POU6F2: variants seen among roughly 807,000 people sequenced by gnomAD.
POU6F2 encodes the protein POU domain, class 6, transcription factor 2.
Under a neutral mutation model 71.3 loss-of-function variants are expected in POU6F2, and 31 were observed. That is an observed-to-expected ratio of 0.43 (90% CI 0.33 to 0.59). The LOEUF is 0.59. Among genes scored for constraint, POU6F2 ranks in the 20% least tolerant of loss-of-function variants. The pLI, the probability that POU6F2 is intolerant of heterozygous loss-of-function variation, is 0.04. For missense variants in POU6F2, 783 were observed against 856.8 expected (o/e 0.91, Z 1.07); for synonymous variants, 347 against 355.7 (o/e 0.98, Z 0.27).
intron 5 of POU6F2, among the ~76,000 whole-genome samples, chr7:39,340,275 G>T (rs533890658): frequency 2.0e-5 from 3 of 152,224 alleles, no homozygotes; most frequent in Non-Finnish European, 4.4e-5. Context: ...TGAGAGGCCA[G>T]CACTATAAGT....
chr7:39,292,350 AGGGTTTT>A lies in POU6F2; in HGVS notation c.599-47289_599-47283del, dbSNP rs1038623960. Among the ~76,000 whole-genome samples, 59 of 152,252 alleles carry A rather than the reference AGGGTTTT, an allele frequency of 3.9e-4. No homozygotes were observed. The Middle Eastern group carries it at 0.01, about 26-fold the overall frequency. On this transcript the variant is annotated intron_variant, in intron 4 of 9. Coordinates refer to ENST00000518318, the MANE Select transcript of POU6F2 (RefSeq NM_001370959.1). ...GCTCTGATTACCATGTTCATTGTGAAGGGTTTTGGTGCCATCATTATGGGAAAGAAAG... is the reference window on the plus strand; with the variant it reads ...GCTCTGATTACCATGTTCATTGTGAAGGTGCCATCATTATGGGAAAGAAAG...
chr7:39,284,136 A>G (rs943294419), intron 4 of POU6F2, among the ~76,000 whole-genome samples: 1 of 152,224 alleles, frequency 6.6e-6, no homozygotes, highest in African/African-American at 2.4e-5. Flanking sequence ...ATTTGGTAGT[A>G]AGATAAATTT....
intron 4 of POU6F2, among the ~76,000 whole-genome samples, chr7:39,326,126 T>C (rs1785498774): frequency 6.6e-6 from 1 of 152,116 alleles, no homozygotes; most frequent in Admixed American, 6.5e-5. Context: ...GGAGGAAAAA[T>C]AATGGGATTG....
chr7:39,220,920 T>C (rs1794341457), intron 4 of POU6F2, among the ~76,000 whole-genome samples: 1 of 152,116 alleles, frequency 6.6e-6, no homozygotes, highest in South Asian at 2.1e-4. Flanking sequence ...TAATTGAAAC[T>C]GAGATATGCT....
At chr7:39,459,094 C>T (rs2116156217) in intron 8 of POU6F2, among the ~76,000 whole-genome samples, 1 of 152,270 alleles carries the variant, frequency 6.6e-6, no homozygotes, top group South Asian at 2.1e-4. Context: ...GAGGCTGGAA[C>T]TGTTTCTGAG....
intron 5 of POU6F2, among the ~76,000 whole-genome samples, chr7:39,383,210 T>C (rs939155543): frequency 4.6e-5 from 7 of 152,208 alleles, no homozygotes; most frequent in Admixed American, 3.3e-4. Context: ...GTAACAAACG[T>C]AATACATGTT....
chr7:39,123,719 T>C (rs1792089503), intron 2 of POU6F2, among the ~76,000 whole-genome samples: 1 of 152,150 alleles, frequency 6.6e-6, no homozygotes. Context: ...CTGCACTGCC[T>C]CATAGCAATG....
chr7:39,366,029 G>A (rs1459723821), intron 5 of POU6F2, among the ~76,000 whole-genome samples: 1 of 152,242 alleles, frequency 6.6e-6, no homozygotes, highest in East Asian at 1.9e-4. Context: ...AAGAACTCTA[G>A]GGGATGGGAT....
At chr7:39,217,510 TTAC>T (rs1794268360) in intron 4 of POU6F2, among the ~76,000 whole-genome samples, 1 of 152,212 alleles carries the variant, frequency 6.6e-6, no homozygotes, top group Non-Finnish European at 1.5e-5. Context: ...CAGAGATCCG[TTAC>T]CACTCACAGA....
At chr7:39,328,186 T>C (rs1785557808) in intron 4 of POU6F2, among the ~76,000 whole-genome samples, 1 of 152,258 alleles carries the variant, frequency 6.6e-6, no homozygotes, top group South Asian at 2.1e-4. Flanking sequence ...CCCAAAGTGC[T>C]GGGATTACAG....
rs114660688 is a variant in POU6F2 at position 39,135,444 on chromosome 7, A to G, written c.277+49413A>G. On this transcript the variant is annotated intron_variant, in intron 2 of 9. Coordinates refer to ENST00000518318, the MANE Select transcript of POU6F2 (RefSeq NM_001370959.1). ...GGAAAAATGTAAGCACAAGACCAGG[A>G]AACTATATTCAAAAGTACCTTAGAA... is the stretch of plus-strand genomic sequence containing the variant. Among the ~76,000 whole-genome samples, 972 of 152,326 alleles carry G rather than the reference A, an allele frequency of 6.4e-3. 10 individuals are homozygous for G. The highest frequency in any genetic ancestry group is 0.022 in the African/African-American group (935 of 41,566).
Position 39,340,688 on chromosome 7 carries a change from T to C in POU6F2, c.972+673T>C, listed in dbSNP as rs189110799. Among the ~76,000 whole-genome samples the C allele has an allele frequency of 7.5e-4, 114 of 152,282 alleles. 1 individual carries two copies. The highest frequency in any genetic ancestry group is 1.4e-3 in the Non-Finnish European group (95 of 68,022). On this transcript the variant is annotated intron_variant, in intron 5 of 9. Coordinates refer to ENST00000518318, the MANE Select transcript of POU6F2 (RefSeq NM_001370959.1). ...AGGCTGAGAGCTTCATAAATAGATA[T>C]TTCAGGCTAACCATGAGAGCTCATC...
intron 5 of POU6F2, among the ~76,000 whole-genome samples, chr7:39,363,464 G>T (rs986620037): frequency 6.6e-6 from 1 of 151,810 alleles, no homozygotes; most frequent in African/African-American, 2.4e-5. Flanking sequence ...GGATAATCAG[G>T]TTTTGGAAAA....
chr7:39,215,004 C>T (rs1794212262), intron 4 of POU6F2, among the ~76,000 whole-genome samples: 1 of 152,204 alleles, frequency 6.6e-6, no homozygotes, highest in African/African-American at 2.4e-5. Context: ...CATTTACTTA[C>T]TTATGCCTGG....
At chr7:39,132,326 T>G (rs1256444549) in intron 2 of POU6F2, 3 of 152,240 alleles carry the variant, frequency 2.0e-5, no homozygotes, top group African/African-American at 7.2e-5. Context: ...TTTTTTCAGT[T>G]GCTTAGTTCT....
intron 2 of POU6F2, among the ~76,000 whole-genome samples, chr7:39,119,330 A>T (rs1429613783): frequency 6.6e-6 from 1 of 152,258 alleles, no homozygotes; most frequent in African/African-American, 2.4e-5. Context: ...CTAAATAGAC[A>T]ATTATTAATT....
At chr7:39,093,624 T>G (rs913797889) in intron 2 of POU6F2, among the ~76,000 whole-genome samples, 2 of 152,098 alleles carry the variant, frequency 1.3e-5, no homozygotes, top group African/African-American at 4.8e-5. Flanking sequence ...ACCTTCCAAA[T>G]ATTTTGTATT....
At chr7:39,007,017 T>C in intron 1 of POU6F2, 1 of 758,714 alleles carries the variant, frequency 1.3e-6, no homozygotes, top group Admixed American at 2.5e-5. Flanking sequence ...ATGTGCTGCT[T>C]CTCCAAAACG....
intron 2 of POU6F2, among the ~76,000 whole-genome samples, chr7:39,141,088 T>G (rs1792489091): frequency 6.6e-6 from 1 of 152,166 alleles, no homozygotes; most frequent in African/African-American, 2.4e-5. Flanking sequence ...TAACTCACAC[T>G]AGGGCCTCTA....
Sources: gnomAD v4.1 joint callset for allele counts (sites outside exome capture counted in the v4.1 genomes callset) on GRCh38, gnomAD v4.1.1 for gene constraint, MANE v1.5 for transcripts, NCBI Gene and HGNC (gene_info 2026-07-23, HGNC 2026-07-21) for gene names.